Variants in ANO3 observed in about 807,000 individuals in gnomAD.
The protein encoded by ANO3 is anoctamin 3, also known as anoctamin-3.
A neutral mutation model predicts 144.8 loss-of-function variants in ANO3; 99 were observed. The observed-to-expected ratio is 0.68, with a 90% CI of 0.58 to 0.81. ANO3 has a LOEUF of 0.81. Among genes scored for constraint, ANO3 ranks in the 30% least tolerant of loss-of-function variants. The probability of loss-of-function intolerance (pLI) is 0.00; values close to 1 mark genes in which losing one functional copy is unlikely to be tolerated. For synonymous variants in ANO3, 414 were observed against 392.6 expected (o/e 1.05, Z -0.64); for missense variants, 905 against 1,202.2 (o/e 0.75, Z 3.66).
At position 26,643,225 on chromosome 11, in the gene ANO3, T is replaced by G. The variant is rs2133063955; in HGVS notation, c.2319T>G (p.Pro773=). The G allele has an allele frequency of 6.2e-7, 1 of 1,614,222 alleles. No individual in the cohort carries two copies. Among genetic ancestry groups the G allele is most frequent in the East Asian group, 2.2e-5 (1 of 44,876 alleles). ...CCACCATCTTTGTTGCGGCTTTTCC[T>G]CTAGCCCCTCTTTTGGCTTTGTTAA... ...GFTTIFVAAF[P]LAPLLALLNN... The change falls in exon 23 of 27, where the codon CCT becomes CCG. Residue 773 remains proline, a synonymous_variant. Transcript: ENST00000256737.
intron 1 of ANO3, among the ~76,000 whole-genome samples, chr11:26,206,757 G>T (rs963513998): frequency 6.6e-6 from 1 of 152,118 alleles, no homozygotes; most frequent in African/African-American, 2.4e-5. Flanking sequence ...CATTAAGCTG[G>T]TCATTGAGCA....
intron 1 of ANO3, among the ~76,000 whole-genome samples, chr11:26,349,310 G>A (rs1417145999): frequency 6.6e-6 from 1 of 152,106 alleles, no homozygotes; most frequent in Non-Finnish European, 1.5e-5. Context: ...TGAAATTAAA[G>A]TAAAAACAGG....
chr11:26,535,333 A>G (rs1849478093), intron 9 of ANO3, among the ~76,000 whole-genome samples: 1 of 152,226 alleles, frequency 6.6e-6, no homozygotes, highest in Non-Finnish European at 1.5e-5. Context: ...TTTCACCTAG[A>G]AAAAGTAAAT....
At chr11:26,362,647 T>G (rs558270471) in intron 1 of ANO3, among the ~76,000 whole-genome samples, 3 of 152,310 alleles carry the variant, frequency 2.0e-5, no homozygotes, top group Non-Finnish European at 4.4e-5. Context: ...TAGTTCATCT[T>G]CTAAACTGGA....
At chr11:26,521,709 A>G (rs1388224070) in intron 6 of ANO3, among the ~76,000 whole-genome samples, 1 of 152,114 alleles carries the variant, frequency 6.6e-6, no homozygotes, top group African/African-American at 2.4e-5. Context: ...CTTGCGATCC[A>G]AAGCTGATTC....
chr11:26,309,799 TA>T (rs1406058013), intron 1 of ANO3: 4 of 684,260 alleles, frequency 5.8e-6, no homozygotes, highest in East Asian at 1.4e-4. Flanking sequence ...CCAGAGTCTT[TA>T]CAGGGGGGGT....
At chr11:26,583,272 G>T (rs567628088) in intron 14 of ANO3, among the ~76,000 whole-genome samples, 1 of 152,318 alleles carries the variant, frequency 6.6e-6, no homozygotes, top group South Asian at 2.1e-4. Context: ...AAGATGTCAA[G>T]TCTGATTTCA....
rs562751853 is a variant in ANO3 at position 26,543,361 on chromosome 11, A to T, written c.1154+1293A>T. On this transcript the variant is annotated intron_variant, in intron 11 of 26. Coordinates refer to ENST00000256737, the MANE Select transcript of ANO3 (RefSeq NM_031418.4). ...GGAGGGAACAAAGCTTATAGAGTCC[A>T]TAGAGGTAGACCTCCTAGTGCCTAT... Among the ~76,000 whole-genome samples, 8 of 152,208 alleles carry T rather than the reference A, an allele frequency of 5.3e-5. No homozygotes were observed. The South Asian group carries it at 1.7e-3, about 32-fold the overall frequency.
At chr11:26,521,951 G>C (rs780565659) in intron 6 of ANO3, among the ~76,000 whole-genome samples, 1 of 152,162 alleles carries the variant, frequency 6.6e-6, no homozygotes, top group Non-Finnish European at 1.5e-5. Flanking sequence ...TTGGGAGGCC[G>C]AAGCGGGTGG....
chr11:26,595,474 T>TTG (rs1851592889), intron 14 of ANO3, among the ~76,000 whole-genome samples: 1 of 146,546 alleles, frequency 6.8e-6, no homozygotes, highest in African/African-American at 2.5e-5. Flanking sequence ...TTTTTTTTTT[T>TTG]TTTTTTTTTT....
At chr11:26,245,018 T>TGTGTGTGTGC (rs151031559) in intron 1 of ANO3, among the ~76,000 whole-genome samples, 15 of 145,426 alleles carry the variant, frequency 1.0e-4, no homozygotes, top group Non-Finnish European at 1.7e-4. Flanking sequence ...TGTGTGTGTG[T>TGTGTGTGTGC]GTGCATGCAT....
Position 26,544,281 on chromosome 11 carries a change from T to TATATATATATAC in ANO3, c.1154+2214_1154+2215insTATATATATACA, listed in dbSNP as rs1849729404. On this transcript the variant is annotated intron_variant, in intron 11 of 26. Coordinates refer to ENST00000256737, the MANE Select transcript of ANO3 (RefSeq NM_031418.4). ...ATATATATATATATATATACACACA[T>TATATATATATAC]ACACACACACACACACATATGTATA... Among the ~76,000 whole-genome samples the TATATATATATAC allele has an allele frequency of 1.4e-3, 123 of 86,940 alleles. 1 individual carries two copies. The highest frequency in any genetic ancestry group is 4.5e-3 in the African/African-American group (115 of 25,282). 57.0% of individuals were successfully genotyped at this position (86,940 alleles called of 152,430 possible).
intron 6 of ANO3, among the ~76,000 whole-genome samples, chr11:26,517,250 T>C (rs569989787): frequency 2.2e-4 from 33 of 152,138 alleles, no homozygotes; most frequent in Admixed American, 4.6e-4. Flanking sequence ...TCTTTTTAGT[T>C]TTGTGGAAGG....
chr11:26,195,834 G>A (rs1477353841), intron 1 of ANO3, among the ~76,000 whole-genome samples: 1 of 152,106 alleles, frequency 6.6e-6, no homozygotes, highest in African/African-American at 2.4e-5. Context: ...ACTTGTGCAA[G>A]TTATTTAAAA....
At chr11:26,386,867 G>A (rs1366260790) in intron 1 of ANO3, among the ~76,000 whole-genome samples, 1 of 152,162 alleles carries the variant, frequency 6.6e-6, no homozygotes, top group Non-Finnish European at 1.5e-5. Context: ...AATCATGTAT[G>A]TAAATTGTAT....
At position 26,598,840 on chromosome 11, in the gene ANO3, CT is replaced by C; in HGVS notation, c.1531-15del. On this transcript the variant is annotated splice_polypyrimidine_tract_variant and intron_variant, in intron 15 of 26. Coordinates refer to ENST00000256737, the MANE Select transcript of ANO3 (RefSeq NM_031418.4). ...GTTTATGGCTTTGATATTTAGATAACTTTCGTTTCTCTCATAGGAAACACTT... is the reference window on the plus strand; with the variant it reads ...GTTTATGGCTTTGATATTTAGATAACTTCGTTTCTCTCATAGGAAACACTT... The C allele has an allele frequency of 6.2e-7, 1 of 1,605,198 alleles. No individual in the cohort carries two copies. The highest frequency in any genetic ancestry group is 8.5e-7 in the Non-Finnish European group (1 of 1,176,528).
intron 1 of ANO3, among the ~76,000 whole-genome samples, chr11:26,391,120 A>T (rs117128841): frequency 0.01 from 1,559 of 152,232 alleles, 9 homozygotes; most frequent in Middle Eastern, 0.017. Flanking sequence ...ATTAAAAAAA[A>T]ATATTTCTTA....
rs929103949 is a variant in ANO3 at position 26,269,449 on chromosome 11, C to T, written c.155-40196C>T. ...TGGGGCTCTCTCAGCAGTGAGGTAA[C>T]GCCCAGATCTGTGCCGGTCCAGCTG... On this transcript the variant is annotated intron_variant, in intron 1 of 27. Transcript: ENST00000672621. Among the ~76,000 whole-genome samples the T allele has an allele frequency of 9.8e-5, 15 of 152,294 alleles. No homozygotes were observed. The East Asian group carries it at 2.5e-3, about 25-fold the overall frequency.
chr11:26,484,720 G>A (rs1860373627), intron 4 of ANO3, among the ~76,000 whole-genome samples: 1 of 152,142 alleles, frequency 6.6e-6, no homozygotes, highest in Admixed American at 6.5e-5. Flanking sequence ...CTTATACCTG[G>A]AAAAGCTGCA....
Sources: allele counts gnomAD v4.1 joint callset (sites outside exome capture counted in the v4.1 genomes callset), GRCh38; gene constraint gnomAD v4.1.1; transcripts MANE v1.5; gene names NCBI Gene and HGNC (gene_info 2026-07-23, HGNC 2026-07-21).